Variants in CRACDL observed in about 807,000 individuals in gnomAD.
CRACDL encodes CRACD-like protein.
A neutral mutation model predicts 70.6 loss-of-function variants in CRACDL; 26 were observed. The ratio of observed to expected loss-of-function variants is 0.37; its 90% confidence interval spans 0.27 to 0.51. The LOEUF is 0.51. Ranked by LOEUF, CRACDL falls within the 20% of genes least tolerant of loss-of-function variation. CRACDL has a pLI of 0.94. For synonymous variants in CRACDL, 618 were observed against 615.2 expected (o/e 1.00, Z -0.07); for missense variants, 1,283 against 1,376.9 (o/e 0.93, Z 1.08).
chr2:98,889,281 G>GAA (rs1707889778), intron 1 of CRACDL, among the ~76,000 whole-genome samples: 4 of 107,866 alleles, frequency 3.7e-5, no homozygotes, highest in African/African-American at 1.0e-4. Flanking sequence ...AACAGAAAAA[G>GAA]AGAGAGAAAG....
intron 1 of CRACDL, among the ~76,000 whole-genome samples, chr2:98,917,329 G>A (rs1403574555): frequency 1.3e-5 from 2 of 152,174 alleles, no homozygotes; most frequent in African/African-American, 2.4e-5. Context: ...GTTTCCTTGG[G>A]ATAAATTCCT....
intron 1 of CRACDL, among the ~76,000 whole-genome samples, chr2:98,905,066 C>A (rs1708373328): frequency 6.6e-6 from 1 of 151,842 alleles, no homozygotes; most frequent in African/African-American, 2.4e-5. Flanking sequence ...CTGGCTAACA[C>A]AGTGAAACCC....
At chr2:98,872,214 C>T (rs760557650) in intron 1 of CRACDL, among the ~76,000 whole-genome samples, 5 of 151,948 alleles carry the variant, frequency 3.3e-5, no homozygotes, top group African/African-American at 7.3e-5. Flanking sequence ...AAAAATTAGC[C>T]GGGCGTGGTG....
chr2:98,906,477 G>T (rs1708417892), intron 1 of CRACDL, among the ~76,000 whole-genome samples: 1 of 152,064 alleles, frequency 6.6e-6, no homozygotes, highest in African/African-American at 2.4e-5. Flanking sequence ...GATCAGGCTG[G>T]TCTCAAACTC....
intron 7 of CRACDL, among the ~76,000 whole-genome samples, chr2:98,802,559 C>A (rs1178583479): frequency 6.6e-6 from 1 of 152,260 alleles, no homozygotes; most frequent in African/African-American, 2.4e-5. Flanking sequence ...TCAACTACGC[C>A]TACGTGGGAC....
intron 2 of CRACDL, among the ~76,000 whole-genome samples, chr2:98,845,182 C>T (rs1446721913): frequency 6.8e-6 from 1 of 147,360 alleles, no homozygotes; most frequent in African/African-American, 2.5e-5. Flanking sequence ...TTTTCCTTTT[C>T]TTTTCTTTCT....
At chr2:98,841,246 G>A (rs1014892603) in intron 2 of CRACDL, among the ~76,000 whole-genome samples, 1 of 151,880 alleles carries the variant, frequency 6.6e-6, no homozygotes, top group Non-Finnish European at 1.5e-5. Context: ...CTCTTAACTG[G>A]AACAATTAAT....
chr2:98,819,871 G>A (rs1704950560), intron 7 of CRACDL, among the ~76,000 whole-genome samples: 1 of 145,154 alleles, frequency 6.9e-6, no homozygotes, highest in African/African-American at 2.6e-5. Context: ...CCAGGCTGGA[G>A]TGCAGTGGCG....
At chr2:98,897,307 C>A (rs1708153142) in intron 1 of CRACDL, 15 of 1,047,028 alleles carry the variant, frequency 1.4e-5, no homozygotes, top group Non-Finnish European at 2.0e-5. Flanking sequence ...TTTTACCCTT[C>A]TGGTATTAAA....
rs76098881 is a variant in CRACDL at position 98,885,730 on chromosome 2, C to A, written c.-10-38920G>T. ...TGAGATTGACAGGTTCTGCAACTTG[C>A]CTCAGGACACAAAGTGAATGAGTGA... On this transcript the variant is annotated intron_variant, in intron 1 of 9. Transcript: ENST00000397899. Among the ~76,000 whole-genome samples, 539 of 152,250 alleles carry A rather than the reference C, an allele frequency of 3.5e-3. 22 individuals are homozygous for A. In the East Asian group the frequency reaches 0.087, roughly 24 times the overall value.
rs190297184 is a variant in CRACDL at position 98,874,024 on chromosome 2, T to G, written c.-10-27214A>C. 2.6e-4 allele frequency among the ~76,000 whole-genome samples: 39 copies of G among 152,218 alleles called. 1 individual carries two copies. Among genetic ancestry groups the G allele is most frequent in the Admixed American group, 1.8e-3 (27 of 15,290 alleles). On this transcript the variant is annotated intron_variant, in intron 1 of 9. Transcript: ENST00000397899. Reference sequence around the variant, plus strand: ...CTGTCTCAAAAATAAAAAAAAGAAATAATTCCGCAAGACAAGTTTGCTACT... The same window carrying G: ...CTGTCTCAAAAATAAAAAAAAGAAAGAATTCCGCAAGACAAGTTTGCTACT...
intron 6 of CRACDL, 61 bp downstream of exon 6, chr2:98,826,914 G>A (rs1266954373): frequency 6.3e-6 from 8 of 1,278,230 alleles, no homozygotes; most frequent in Non-Finnish European, 8.6e-6. Flanking sequence ...GTTGGGGGGG[G>A]GCATAGGGGG....
chr2:98,855,550 AG>A (rs974261323), intron 1 of CRACDL, among the ~76,000 whole-genome samples: 4 of 152,324 alleles, frequency 2.6e-5, no homozygotes, highest in African/African-American at 7.2e-5. Context: ...TCCAAAAAAA[AG>A]GGAAGCAGTA....
intron 2 of CRACDL, among the ~76,000 whole-genome samples, chr2:98,841,762 A>G (rs969087049): frequency 5.9e-5 from 9 of 152,170 alleles, no homozygotes; most frequent in Non-Finnish European, 1.3e-4. Flanking sequence ...ACGTTCTATT[A>G]AGTTGGTGCA....
At chr2:98,896,174 G>A (rs190579022) in intron 1 of CRACDL, among the ~76,000 whole-genome samples, 247 of 152,230 alleles carry the variant, frequency 1.6e-3, no homozygotes, top group Non-Finnish European at 2.4e-3. Flanking sequence ...ACAGGACACG[G>A]TGCCTGAAGC....
At chr2:98,796,038 C>A in intron 9 of CRACDL, 82 bp downstream of exon 9, 2 of 1,455,426 alleles carry the variant, frequency 1.4e-6, no homozygotes, top group Non-Finnish European at 1.9e-6. Flanking sequence ...TTGCAAAAAC[C>A]AAACCAAACC....
intron 1 of CRACDL, among the ~76,000 whole-genome samples, chr2:98,926,800 T>C (rs1708917973): frequency 6.6e-6 from 1 of 152,208 alleles, no homozygotes; most frequent in Admixed American, 6.5e-5. Flanking sequence ...GTGGGTTAAT[T>C]CCTGCCTCCT....
intron 1 of CRACDL, among the ~76,000 whole-genome samples, chr2:98,906,527 G>T (rs1044726491): frequency 3.6e-5 from 5 of 138,400 alleles, no homozygotes; most frequent in Non-Finnish European, 6.1e-5. Flanking sequence ...CTCCCAAAGT[G>T]CTGGGATTAC....
chr2:98,796,582 A>G (rs1251579694), intron 8 of CRACDL, among the ~76,000 whole-genome samples: 1 of 152,246 alleles, frequency 6.6e-6, no homozygotes, highest in Non-Finnish European at 1.5e-5. Flanking sequence ...TTTTTATGAC[A>G]GTTGGAATAG....
Sources: gnomAD v4.1 joint callset for allele counts (sites outside exome capture counted in the v4.1 genomes callset) on GRCh38, gnomAD v4.1.1 for gene constraint, MANE v1.5 for transcripts, NCBI Gene and HGNC (gene_info 2026-07-23, HGNC 2026-07-21) for gene names.